GRID1: variants seen among roughly 807,000 people sequenced by gnomAD.
The protein encoded by GRID1 is glutamate ionotropic receptor delta type subunit 1.
Under a neutral mutation model 98.0 loss-of-function variants are expected in GRID1, and 28 were observed. That is an observed-to-expected ratio of 0.29 (90% CI 0.21 to 0.39). The LOEUF (loss-of-function observed/expected upper bound fraction) is 0.39. Among genes scored for constraint, GRID1 ranks in the 10% least tolerant of loss-of-function variants. The probability of loss-of-function intolerance (pLI) is 1.00; values close to 1 mark genes in which losing one functional copy is unlikely to be tolerated. For synonymous variants in GRID1, 553 were observed against 538.5 expected, an observed-to-expected ratio of 1.03 and a Z score of -0.37; for missense variants, 1,111 against 1,340.5, an observed-to-expected ratio of 0.83 and a Z score of 2.67.
intron 13 of GRID1, among the ~76,000 whole-genome samples, chr10:85,639,973 G>A (rs1843095878): frequency 6.6e-6 from 1 of 152,204 alleles, no homozygotes; most frequent in African/African-American, 2.4e-5. Context: ...AATCGACACT[G>A]GATGCTTTAG....
chr10:86,183,959 C>T (rs1845693332), intron 3 of GRID1, among the ~76,000 whole-genome samples: 1 of 152,216 alleles, frequency 6.6e-6, no homozygotes, highest in African/African-American at 2.4e-5. Flanking sequence ...TTAATTTTAG[C>T]CATTCTAATC....
chr10:86,196,246 C>A (rs1456537223), intron 3 of GRID1, among the ~76,000 whole-genome samples: 2 of 152,024 alleles, frequency 1.3e-5, no homozygotes, highest in African/African-American at 4.8e-5. Context: ...CACTGCTTCC[C>A]GGGACAGAGT....
At chr10:86,171,666 A>G (rs1845489942) in intron 3 of GRID1, among the ~76,000 whole-genome samples, 1 of 152,224 alleles carries the variant, frequency 6.6e-6, no homozygotes, top group African/African-American at 2.4e-5. Flanking sequence ...TCAAAGACAG[A>G]TGGTTTTAAA....
At chr10:85,618,449 C>T (rs974965880) in intron 14 of GRID1, among the ~76,000 whole-genome samples, 1 of 152,142 alleles carries the variant, frequency 6.6e-6, no homozygotes, top group Non-Finnish European at 1.5e-5. Flanking sequence ...GGAGAGAAGC[C>T]ATTCTTTCTT....
At chr10:85,876,547 C>T (rs1409891152) in intron 5 of GRID1, among the ~76,000 whole-genome samples, 2 of 152,158 alleles carry the variant, frequency 1.3e-5, no homozygotes, top group East Asian at 3.9e-4. Flanking sequence ...CTAACAGGTT[C>T]TAGGATTAGG....
intron 2 of GRID1, among the ~76,000 whole-genome samples, chr10:86,213,927 C>G (rs1846141323): frequency 6.6e-6 from 1 of 152,168 alleles, no homozygotes; most frequent in African/African-American, 2.4e-5. Flanking sequence ...TGCACCCAAG[C>G]CACCACCAGG....
At chr10:86,177,996 G>A (rs961204056) in intron 3 of GRID1, among the ~76,000 whole-genome samples, 6 of 152,040 alleles carry the variant, frequency 3.9e-5, no homozygotes, top group East Asian at 1.9e-4. Flanking sequence ...GGACAAAGCC[G>A]AGACACAGCC....
intron 5 of GRID1, among the ~76,000 whole-genome samples, chr10:85,901,500 G>A (rs1359238459): frequency 6.6e-6 from 1 of 152,074 alleles, no homozygotes; most frequent in Non-Finnish European, 1.5e-5. Flanking sequence ...TGCCCGCCTT[G>A]GCCTCCCAAA....
chr10:85,737,854 T>C (rs1841902302), intron 8 of GRID1, among the ~76,000 whole-genome samples: 1 of 151,550 alleles, frequency 6.6e-6, no homozygotes, highest in Non-Finnish European at 1.5e-5. Flanking sequence ...GAATTTCAAA[T>C]GGTACAAAAC....
At chr10:85,810,886 C>G (rs894709710) in intron 8 of GRID1, among the ~76,000 whole-genome samples, 2 of 152,128 alleles carry the variant, frequency 1.3e-5, no homozygotes, top group Non-Finnish European at 2.9e-5. Flanking sequence ...AGTAATAACC[C>G]AGAGACCCTG....
chr10:86,260,398 T>C (rs1364786816), intron 2 of GRID1, among the ~76,000 whole-genome samples: 1 of 152,156 alleles, frequency 6.6e-6, no homozygotes, highest in Non-Finnish European at 1.5e-5. Context: ...CAAAGCTAGA[T>C]TTACAAGCCA....
chr10:86,011,226 A>G (rs1420559631), intron 4 of GRID1, among the ~76,000 whole-genome samples: 1 of 152,250 alleles, frequency 6.6e-6, no homozygotes, highest in Non-Finnish European at 1.5e-5. Flanking sequence ...CTGGAAGCCA[A>G]TATTTTTGCA....
chr10:86,197,671 G>A lies in GRID1; in HGVS notation c.520+8693C>T, dbSNP rs1251966273. On this transcript the variant is annotated intron_variant, in intron 3 of 15. Transcript: ENST00000327946. Reference sequence around the variant, plus strand: ...AGGACCCAGCAGCACACCGGGGCATGTGTGGGAGTCGGCATAGCCTCACTT... The same window carrying A: ...AGGACCCAGCAGCACACCGGGGCATATGTGGGAGTCGGCATAGCCTCACTT... Among the ~76,000 whole-genome samples, 4 of 152,074 alleles carry A rather than the reference G, an allele frequency of 2.6e-5. No individual in the cohort carries two copies. In the South Asian group the frequency reaches 8.3e-4, roughly 32 times the overall value.
intron 4 of GRID1, among the ~76,000 whole-genome samples, chr10:85,970,089 A>G (rs964643315): frequency 1.3e-5 from 2 of 152,056 alleles, no homozygotes; most frequent in African/African-American, 4.8e-5. Context: ...ATATTTCTAG[A>G]AAGACACAAA....
At chr10:86,233,713 CCTCT>C (rs1846492170) in intron 2 of GRID1, among the ~76,000 whole-genome samples, 1 of 152,062 alleles carries the variant, frequency 6.6e-6, no homozygotes, top group Non-Finnish European at 1.5e-5. Flanking sequence ...GTCTCTTTTT[CCTCT>C]CTAACCTGCT....
At chr10:85,954,159 A>C (rs887375474) in intron 4 of GRID1, among the ~76,000 whole-genome samples, 2 of 152,204 alleles carry the variant, frequency 1.3e-5, no homozygotes, top group Non-Finnish European at 2.9e-5. Flanking sequence ...AGCCAGTAGG[A>C]AGTTCTGGTC....
intron 5 of GRID1, among the ~76,000 whole-genome samples, chr10:85,915,095 C>T (rs1841594139): frequency 6.6e-6 from 1 of 152,140 alleles, no homozygotes; most frequent in Non-Finnish European, 1.5e-5. Context: ...GTTGCCATTC[C>T]TCCCTGGGGC....
intron 4 of GRID1, among the ~76,000 whole-genome samples, chr10:86,134,263 A>G (rs1276862265): frequency 6.6e-6 from 1 of 152,248 alleles, no homozygotes; most frequent in Admixed American, 6.5e-5. Context: ...CATGCCCCTC[A>G]GCATTTGATA....
intron 2 of GRID1, among the ~76,000 whole-genome samples, chr10:86,273,513 G>C (rs79331801): frequency 0.51 from 75,202 of 148,568 alleles, 22,628 homozygotes; most frequent in Non-Finnish European, 0.67. Context: ...GGTTGAACTA[G>C]TTTACAGTCC....
Sources: gnomAD v4.1 joint callset for allele counts (sites outside exome capture counted in the v4.1 genomes callset) on GRCh38, gnomAD v4.1.1 for gene constraint, MANE v1.5 for transcripts, NCBI Gene and HGNC (gene_info 2026-07-23, HGNC 2026-07-21) for gene names.